The following ERCC8 variants were observed in gnomAD, a reference collection of about 807,000 sequenced individuals.
The protein encoded by ERCC8 is DNA excision repair protein ERCC-8.
A neutral mutation model predicts 54.9 loss-of-function variants in ERCC8; 52 were observed. The ratio of observed to expected loss-of-function variants is 0.95; its 90% CI spans 0.76 to 1.19. The LOEUF is 1.19. Among genes scored for constraint, ERCC8 ranks in the 50% most tolerant of loss-of-function variants. ERCC8 has a pLI of 0.00. For missense variants in ERCC8, 514 were observed against 466.1 expected (o/e 1.10, Z -0.95); for synonymous variants, 146 against 157.2 (o/e 0.93, Z 0.53).
chr5:60,928,230 G>C (rs1157214259), intron 2 of ERCC8, among the ~76,000 whole-genome samples: 1 of 152,206 alleles, frequency 6.6e-6, no homozygotes, highest in Admixed American at 6.5e-5. Context: ...CTGCTGTGTA[G>C]AGACTGGGCT....
intron 1 of ERCC8, among the ~76,000 whole-genome samples, chr5:60,934,009 A>G (rs892669131): frequency 2.0e-5 from 3 of 152,084 alleles, no homozygotes; most frequent in Admixed American, 1.3e-4. Flanking sequence ...GGCTGGTTCT[A>G]TATTTTTGCA....
chr5:60,905,174 G>A (rs973937645), intron 4 of ERCC8, among the ~76,000 whole-genome samples: 4 of 152,128 alleles, frequency 2.6e-5, no homozygotes, highest in Non-Finnish European at 4.4e-5. Flanking sequence ...AGGGGGCTCA[G>A]CATCTACATG....
intron 10 of ERCC8, among the ~76,000 whole-genome samples, chr5:60,888,364 A>T (rs1748455596): frequency 6.6e-6 from 1 of 152,188 alleles, no homozygotes; most frequent in African/African-American, 2.4e-5. Context: ...CAAAATCTAG[A>T]CTATAAAGTT....
chr5:60,918,242 T>G, intron 4 of ERCC8, 23 bp downstream of exon 4: 1 of 1,560,526 alleles, frequency 6.4e-7, no homozygotes, highest in Non-Finnish European at 8.8e-7. Context: ...CAAAGCAATC[T>G]GCAAATGTTT....
At chr5:60,919,011 G>C (rs1749522765) in intron 3 of ERCC8, among the ~76,000 whole-genome samples, 1 of 152,004 alleles carries the variant, frequency 6.6e-6, no homozygotes, top group Non-Finnish European at 1.5e-5. Context: ...TATATGCTCT[G>C]AACCAGTGAC....
rs544071807 is a variant in ERCC8 at position 60,869,439 on chromosome 5, C to T, written c.*5176G>A. On this transcript the variant is annotated 3_prime_UTR_variant, in exon 12 of 12. Coordinates refer to ENST00000676185, the MANE Select transcript of ERCC8 (RefSeq NM_000082.4). The stretch of plus-strand genomic sequence containing the variant: ...CTGAGCTCTACAAACCTATGTGTCT[C>T]TTACTGAAGAGCTTCGTTTTGAAAT... Among the ~76,000 whole-genome samples the T allele has an allele frequency of 6.6e-6, 1 of 152,254 alleles. No individual in the cohort carries two copies. Among genetic ancestry groups the T allele is most frequent in the South Asian group, 2.1e-4 (1 of 4,824 alleles).
intron 9 of ERCC8, among the ~76,000 whole-genome samples, chr5:60,898,003 T>C (rs186285155): frequency 1.3e-5 from 2 of 152,286 alleles, no homozygotes; most frequent in Admixed American, 6.5e-5. Flanking sequence ...TAGTCCTCAG[T>C]CTTTTATTTT....
At chr5:60,938,350 A>ATTT (rs1231887020) in intron 1 of ERCC8, among the ~76,000 whole-genome samples, 32 of 41,042 alleles carry the variant, frequency 7.8e-4, no homozygotes, top group Non-Finnish European at 1.1e-3. Context: ...ACCTTTTTGA[A>ATTT]TTTTTTTTTT....
chr5:60,876,695 T>A (rs2112455215), intron 11 of ERCC8, among the ~76,000 whole-genome samples: 1 of 152,358 alleles, frequency 6.6e-6, no homozygotes, highest in African/African-American at 2.4e-5. Flanking sequence ...GAAGTGTTTG[T>A]TCATATCCTT....
chr5:60,904,446 A>T (rs1032742830), intron 5 of ERCC8, among the ~76,000 whole-genome samples: 2 of 151,600 alleles, frequency 1.3e-5, no homozygotes, highest in Non-Finnish European at 2.9e-5. Context: ...TTATTGTGTC[A>T]AATTGGGAAA....
chr5:60,894,853 C>A (rs565470569), intron 9 of ERCC8, among the ~76,000 whole-genome samples: 1 of 152,120 alleles, frequency 6.6e-6, no homozygotes, highest in African/African-American at 2.4e-5. Flanking sequence ...AATCCACTGT[C>A]GTCAGGGCTA....
chr5:60,878,131 T>C (rs1459483366), intron 11 of ERCC8, among the ~76,000 whole-genome samples: 5 of 152,226 alleles, frequency 3.3e-5, no homozygotes, highest in Non-Finnish European at 5.9e-5. Flanking sequence ...GAGATAATCA[T>C]TTGGTTTTTG....
chr5:60,901,425 A>G (rs1748900601), intron 7 of ERCC8, among the ~76,000 whole-genome samples: 1 of 151,944 alleles, frequency 6.6e-6, no homozygotes, highest in South Asian at 2.1e-4. Context: ...CAGTAATCCT[A>G]TGGGCCCTTA....
intron 1 of ERCC8, among the ~76,000 whole-genome samples, chr5:60,938,061 A>G (rs1244191689): frequency 3.3e-4 from 6 of 18,140 alleles, no homozygotes; most frequent in Non-Finnish European, 5.9e-4. Context: ...ATATATATAT[A>G]TATATATATA....
Position 60,868,353 on chromosome 5 carries a change from C to T in ERCC8, c.*6262G>A, listed in dbSNP as rs959596127. ...CTCAGAAGAGCATGAACTCGGAGAG[C>T]GGTTATCAATCCACTAGCACAAAGT... On this transcript the variant is annotated 3_prime_UTR_variant, in exon 12 of 12. Coordinates refer to ENST00000676185, the MANE Select transcript of ERCC8 (RefSeq NM_000082.4). Among the ~76,000 whole-genome samples the T allele has an allele frequency of 3.9e-5, 6 of 152,124 alleles. No individual in the cohort carries two copies. The highest frequency in any genetic ancestry group is 2.1e-4 in the South Asian group (1 of 4,824).
chr5:60,889,527 A>C (rs1425422744), intron 10 of ERCC8, among the ~76,000 whole-genome samples: 1 of 152,100 alleles, frequency 6.6e-6, no homozygotes, highest in Non-Finnish European at 1.5e-5. Flanking sequence ...GCTGGCCTGG[A>C]ACTCCTGGGC....
Position 60,899,646 on chromosome 5 carries a change from CT to C in ERCC8, c.698del (p.Lys233SerfsTer37). The C allele has an allele frequency of 6.2e-7, 1 of 1,610,960 alleles. No individual in the cohort carries two copies. Among genetic ancestry groups the C allele is most frequent in the Non-Finnish European group, 8.5e-7 (1 of 1,177,708 alleles). ...CCTTACCTGATTCAACAGCTTGTGA[CT>C]TTTTCCCATTATGTTGATCAAGAGT... ...LITLDQHNGK[K>X]SQAVESANTA... is the part of the protein sequence containing the mutation. On this transcript the variant is annotated frameshift_variant, in exon 8 of 12. Coordinates refer to ENST00000676185, the MANE Select transcript of ERCC8 (RefSeq NM_000082.4). LOFTEE classifies it high-confidence loss of function.
At chr5:60,881,984 A>G (rs1748248757) in intron 11 of ERCC8, among the ~76,000 whole-genome samples, 1 of 152,090 alleles carries the variant, frequency 6.6e-6, no homozygotes, top group African/African-American at 2.4e-5. Flanking sequence ...AGCTGTTCCT[A>G]TTCGGCCATC....
At chr5:60,943,065 G>A (rs1750310661) in intron 1 of ERCC8, among the ~76,000 whole-genome samples, 1 of 152,120 alleles carries the variant, frequency 6.6e-6, no homozygotes. Context: ...CAGCCCAGGA[G>A]TTCAAGACCA....
Sources: allele counts gnomAD v4.1 joint callset (sites outside exome capture counted in the v4.1 genomes callset), GRCh38; gene constraint gnomAD v4.1.1; transcripts MANE v1.5; gene names NCBI Gene and HGNC (gene_info 2026-07-23, HGNC 2026-07-21).